TOP1MT: variants seen among roughly 807,000 people sequenced by gnomAD.
The protein encoded by TOP1MT is DNA topoisomerase I mitochondrial, also known as DNA topoisomerase I, mitochondrial.
Under a neutral mutation model 73.9 loss-of-function variants are expected in TOP1MT, and 80 were observed. That is an observed-to-expected ratio of 1.08 (90% CI 0.90 to 1.30). The LOEUF (loss-of-function observed/expected upper bound fraction) is 1.30, where lower values mean the gene tolerates loss of function less well. Among genes scored for constraint, TOP1MT ranks in the 50% most tolerant of loss-of-function variants. The probability of loss-of-function intolerance (pLI) is 0.00; values close to 1 mark genes in which losing one functional copy is unlikely to be tolerated. For missense variants in TOP1MT, 815 were observed against 808.0 expected, an observed-to-expected ratio of 1.01 and a Z score of -0.10; for synonymous variants, 338 against 326.4, an observed-to-expected ratio of 1.04 and a Z score of -0.38.
intron 13 of TOP1MT, chr8:143,309,813 T>C (rs1815954901): frequency 6.5e-7 from 1 of 1,533,584 alleles, no homozygotes; most frequent in East Asian, 2.5e-5. Flanking sequence ...CAGGCTGAGC[T>C]CCACAGGCCC....
intron 3 of TOP1MT, 49 bp downstream of exon 3, chr8:143,329,301 C>T (rs1206507673): frequency 1.3e-6 from 2 of 1,535,770 alleles, no homozygotes; most frequent in East Asian, 5.0e-5. Flanking sequence ...CCGCAGACGC[C>T]TAGCCAGCCA....
intron 13 of TOP1MT, 152 bp from the exon 14 acceptor site, chr8:143,309,695 C>G: frequency 6.6e-7 from 1 of 1,514,622 alleles, no homozygotes; most frequent in Non-Finnish European, 8.8e-7. Flanking sequence ...GCCAACCCCA[C>G]CCCACGCATG....
rs71313298 is a variant in TOP1MT at position 143,323,756 on chromosome 8, C to CCACACATGCACGCCCCA, written c.960+242_960+243insTGGGGCGTGCATGTGTG. Among the ~76,000 whole-genome samples, 47 of 109,344 alleles carry CCACACATGCACGCCCCA rather than the reference C, an allele frequency of 4.3e-4. 2 individuals carry two copies. The highest frequency in any genetic ancestry group is 4.0e-3 in the South Asian group (9 of 2,256). 71.7% of individuals were successfully genotyped at this position (109,344 alleles called of 152,430 possible). On this transcript the variant is annotated intron_variant, in intron 7 of 13. Transcript: ENST00000329245. Reference sequence around the variant, plus strand: ...CATGCACGCCACACACATGCACGCCCCACACAGACATGCCACACACAGGCA... The same window carrying CCACACATGCACGCCCCA: ...CATGCACGCCACACACATGCACGCCCCACACATGCACGCCCCACACACAGACATGCCACACACAGGCA...
upstream of TOP1MT, among the ~76,000 whole-genome samples, chr8:143,349,625 A>G (rs1436071677): frequency 7.0e-6 from 1 of 142,306 alleles, no homozygotes; most frequent in African/African-American, 2.6e-5. Context: ...TTTTGTTTAG[A>G]GATTCATCTG....
chr8:143,323,541 T>A (rs1282352748), intron 7 of TOP1MT, among the ~76,000 whole-genome samples: 3 of 30,292 alleles, frequency 9.9e-5, no homozygotes, highest in Non-Finnish European at 1.9e-4. Flanking sequence ...ACACACATGC[T>A]CACCACACAC....
upstream of TOP1MT, chr8:143,359,489 C>G: frequency 2.1e-6 from 2 of 944,848 alleles, no homozygotes; most frequent in Non-Finnish European, 2.5e-6. Flanking sequence ...CACCGCTGGC[C>G]AGGTGCAGGG....
intron 7 of TOP1MT, among the ~76,000 whole-genome samples, chr8:143,322,647 ACG>A (rs1491313813): frequency 1.9e-5 from 2 of 105,700 alleles, no homozygotes. Context: ...CACACGCCAC[ACG>A]CACACCACAC....
At chr8:143,342,827 C>T (rs1004414503) in intron 2 of TOP1MT, among the ~76,000 whole-genome samples, 2 of 129,506 alleles carry the variant, frequency 1.5e-5, no homozygotes, top group Admixed American at 7.9e-5. Context: ...CTCTGTCACC[C>T]AGGCTGGAGT....
chr8:143,355,181 G>A (rs1026355123), intron 1 of TOP1MT: 2 of 152,186 alleles, frequency 1.3e-5, no homozygotes, highest in African/African-American at 2.4e-5. Flanking sequence ...GGCAGGTACC[G>A]GAAACCAGCA....
chr8:143,313,344 A>G (rs1023494822), intron 12 of TOP1MT, among the ~76,000 whole-genome samples: 1 of 151,984 alleles, frequency 6.6e-6, no homozygotes, highest in Non-Finnish European at 1.5e-5. Context: ...CGAGGTCAGG[A>G]GTTCAAGACC....
chr8:143,358,568 AT>A (rs1466070118), upstream of TOP1MT: 1 of 152,258 alleles, frequency 6.6e-6, no homozygotes, highest in East Asian at 1.9e-4. Flanking sequence ...TCCCAAAAGT[AT>A]TTGCTACCTC....
chr8:143,324,845 G>A (rs1207318369), intron 5 of TOP1MT, among the ~76,000 whole-genome samples: 1 of 152,250 alleles, frequency 6.6e-6, no homozygotes, highest in South Asian at 2.1e-4. Flanking sequence ...AGTGCACCAG[G>A]AGGCTGGGCG....
upstream of TOP1MT, among the ~76,000 whole-genome samples, chr8:143,349,894 G>C (rs947230905): frequency 1.3e-5 from 2 of 152,126 alleles, no homozygotes; most frequent in Admixed American, 1.3e-4. Context: ...GCCCACCTCA[G>C]CCTCCTAAAG....
At chr8:143,322,557 C>CCACACACACGTACGCCA (rs142697554) in intron 7 of TOP1MT, among the ~76,000 whole-genome samples, 1 of 93,802 alleles carries the variant, frequency 1.1e-5, no homozygotes, top group Admixed American at 1.3e-4. Flanking sequence ...CACACGCACG[C>CCACACACACGTACGCCA]CACACACAGA....
At chr8:143,311,220 C>T (rs1382648103) in intron 12 of TOP1MT, among the ~76,000 whole-genome samples, 2 of 150,286 alleles carry the variant, frequency 1.3e-5, no homozygotes, top group South Asian at 2.1e-4. Context: ...CTGCCTGCCT[C>T]GGCTGCCCAG....
intron 8 of TOP1MT, 106 bp downstream of exon 8, chr8:143,321,095 G>C: frequency 6.6e-6 from 8 of 1,208,780 alleles, no homozygotes; most frequent in Non-Finnish European, 8.0e-6. Context: ...CAGCAGGCAG[G>C]ACGTGGCAAA....
intron 5 of TOP1MT, 108 bp from the exon 6 acceptor site, chr8:143,324,737 C>T: frequency 6.5e-6 from 9 of 1,394,878 alleles, no homozygotes; most frequent in Non-Finnish European, 8.8e-6. Flanking sequence ...ATGGTGGTGG[C>T]ATGGCTCCTG....
At chr8:143,332,157 C>G (rs1437012659) in intron 1 of TOP1MT, among the ~76,000 whole-genome samples, 1 of 152,230 alleles carries the variant, frequency 6.6e-6, no homozygotes, top group Non-Finnish European at 1.5e-5. Context: ...GAGGCAAGCC[C>G]AAGCCTGCCC....
intron 2 of TOP1MT, among the ~76,000 whole-genome samples, chr8:143,340,517 C>A (rs985625837): frequency 2.0e-5 from 3 of 152,014 alleles, no homozygotes; most frequent in Admixed American, 1.3e-4. Context: ...AACTGGCTCC[C>A]CCTCCTTCCA....
Sources: allele counts gnomAD v4.1 joint callset (sites outside exome capture counted in the v4.1 genomes callset), GRCh38; gene constraint gnomAD v4.1.1; transcripts MANE v1.5; gene names NCBI Gene and HGNC (gene_info 2026-07-23, HGNC 2026-07-21).